SLC4A10: variants seen among roughly 807,000 people sequenced by gnomAD.
The protein encoded by SLC4A10 is solute carrier family 4 member 10.
In SLC4A10, 42 loss-of-function variants were observed where a neutral mutation model predicts 137.7. The observed-to-expected ratio is 0.30, with a 90% confidence interval of 0.24 to 0.39. The LOEUF is 0.39. SLC4A10 is among the 10% of genes least tolerant of loss of function. The pLI, the probability that SLC4A10 is intolerant of heterozygous loss-of-function variation, is 1.00. For missense variants in SLC4A10, 925 were observed against 1,355.0 expected (o/e 0.68, Z 4.98); for synonymous variants, 474 against 464.1 (o/e 1.02, Z -0.27).
At chr2:161,821,920 T>A (rs955735765) in intron 3 of SLC4A10, among the ~76,000 whole-genome samples, 6 of 152,208 alleles carry the variant, frequency 3.9e-5, no homozygotes, top group Admixed American at 6.5e-5. Flanking sequence ...ATACGTTATC[T>A]TGAATCAAAA....
intron 3 of SLC4A10, among the ~76,000 whole-genome samples, chr2:161,818,803 C>A (rs897848885): frequency 2.0e-5 from 3 of 152,186 alleles, no homozygotes; most frequent in African/African-American, 7.2e-5. Context: ...TATGTTGAAC[C>A]AGCCTTGCAT....
chr2:161,946,577 G>A lies in SLC4A10; in HGVS notation c.2104-989G>A, dbSNP rs369117360. Among the ~76,000 whole-genome samples, 8 of 152,094 alleles carry A rather than the reference G, an allele frequency of 5.3e-5. No individual in the cohort carries two copies. In the East Asian group the frequency reaches 5.8e-4, roughly 11 times the overall value. On this transcript the variant is annotated intron_variant, in intron 16 of 26. Transcript: ENST00000446997. ...TGGATCATTTAAACCATTATTTCCT[G>A]TTTTGAAATGTAAAAATACTTTAGT...
intron 1 of SLC4A10, among the ~76,000 whole-genome samples, chr2:161,704,423 A>G (rs1013402588): frequency 5.9e-5 from 9 of 151,842 alleles, no homozygotes; most frequent in Non-Finnish European, 1.3e-4. Context: ...TATGAGTACA[A>G]CATTAGAAAT....
intron 1 of SLC4A10, among the ~76,000 whole-genome samples, chr2:161,768,902 A>G (rs533759502): frequency 2.0e-5 from 3 of 152,032 alleles, no homozygotes; most frequent in Non-Finnish European, 2.9e-5. Flanking sequence ...GAGGAAAGAG[A>G]CCATAGAGCT....
chr2:161,952,788 C>T (rs1695028235), intron 19 of SLC4A10, among the ~76,000 whole-genome samples: 1 of 152,192 alleles, frequency 6.6e-6, no homozygotes, highest in Non-Finnish European at 1.5e-5. Flanking sequence ...ACTCTTGTCT[C>T]CTATAAGCTT....
chr2:161,915,346 A>G (rs1382630133), intron 15 of SLC4A10, among the ~76,000 whole-genome samples: 1 of 152,304 alleles, frequency 6.6e-6, no homozygotes, highest in Non-Finnish European at 1.5e-5. Flanking sequence ...ATGTGACCTC[A>G]TTCCTCTTGG....
chr2:161,634,837 G>A (rs1475792991), intron 1 of SLC4A10, among the ~76,000 whole-genome samples: 1 of 151,786 alleles, frequency 6.6e-6, no homozygotes, highest in African/African-American at 2.4e-5. Context: ...GGTGCCCATT[G>A]ACCAACCTTT....
At chr2:161,890,939 T>C (rs1455569353) in intron 10 of SLC4A10, among the ~76,000 whole-genome samples, 1 of 152,208 alleles carries the variant, frequency 6.6e-6, no homozygotes, top group East Asian at 1.9e-4. Context: ...GTACCTGTTT[T>C]TCCTTTCCAT....
intron 1 of SLC4A10, among the ~76,000 whole-genome samples, chr2:161,654,837 C>A (rs1160891973): frequency 2.6e-5 from 4 of 151,920 alleles, no homozygotes; most frequent in Non-Finnish European, 5.9e-5. Flanking sequence ...TCTTTTTTCT[C>A]AAGATTGATT....
At chr2:161,672,435 TGAGGTGG>T (rs1353992417) in intron 1 of SLC4A10, among the ~76,000 whole-genome samples, 1 of 152,054 alleles carries the variant, frequency 6.6e-6, no homozygotes, top group East Asian at 1.9e-4. Flanking sequence ...ATTGGGAGGC[TGAGGTGG>T]GAGAATCACT....
chr2:161,806,737 C>T (rs2056010309), intron 3 of SLC4A10, among the ~76,000 whole-genome samples: 1 of 152,098 alleles, frequency 6.6e-6, no homozygotes, highest in African/African-American at 2.4e-5. Flanking sequence ...TGGTCAAAGC[C>T]ATTCAACACG....
chr2:161,972,224 T>C (rs1284449595), intron 23 of SLC4A10, among the ~76,000 whole-genome samples: 1 of 152,132 alleles, frequency 6.6e-6, no homozygotes, highest in African/African-American at 2.4e-5. Flanking sequence ...TTACTTAATG[T>C]AGCTTTTGGT....
intron 15 of SLC4A10, among the ~76,000 whole-genome samples, chr2:161,929,013 G>A (rs992705514): frequency 1.3e-5 from 2 of 152,006 alleles, no homozygotes; most frequent in African/African-American, 2.4e-5. Context: ...TGTTTCTTAT[G>A]TATGGATTTA....
intron 1 of SLC4A10, among the ~76,000 whole-genome samples, chr2:161,732,638 G>A (rs551841701): frequency 1.3e-5 from 2 of 152,268 alleles, no homozygotes; most frequent in South Asian, 4.2e-4. Flanking sequence ...CCGAAAGCAG[G>A]AGTGAGCTCA....
intron 1 of SLC4A10, among the ~76,000 whole-genome samples, chr2:161,722,652 A>G (rs572299525): frequency 9.9e-5 from 15 of 152,274 alleles, no homozygotes; most frequent in African/African-American, 3.4e-4. Context: ...GTCAAGAGGC[A>G]TGGGATCAGG....
intron 16 of SLC4A10, among the ~76,000 whole-genome samples, chr2:161,945,095 T>C (rs1252977992): frequency 2.0e-5 from 3 of 149,174 alleles, no homozygotes; most frequent in Non-Finnish European, 4.5e-5. Context: ...AAACATTTGA[T>C]AGAAGTACTT....
chr2:161,834,862 T>C (rs937266643), intron 3 of SLC4A10, among the ~76,000 whole-genome samples: 11 of 152,014 alleles, frequency 7.2e-5, no homozygotes, highest in African/African-American at 2.7e-4. Context: ...ACAGCAATAA[T>C]CTCAATTATC....
At chr2:161,719,662 G>A (rs2045393271) in intron 1 of SLC4A10, among the ~76,000 whole-genome samples, 1 of 152,160 alleles carries the variant, frequency 6.6e-6, no homozygotes, top group Admixed American at 6.5e-5. Flanking sequence ...GTGATGATGA[G>A]CATTTTTTTA....
At chr2:161,965,701 G>A (rs1340828504) in intron 23 of SLC4A10, among the ~76,000 whole-genome samples, 2 of 152,112 alleles carry the variant, frequency 1.3e-5, no homozygotes, top group Non-Finnish European at 2.9e-5. Flanking sequence ...AGATTGAGTA[G>A]ATGTTGCAGA....
Sources: gnomAD v4.1 joint callset for allele counts (sites outside exome capture counted in the v4.1 genomes callset) on GRCh38, gnomAD v4.1.1 for gene constraint, MANE v1.5 for transcripts, NCBI Gene and HGNC (gene_info 2026-07-23, HGNC 2026-07-21) for gene names.